ZDHHC14: variants seen among roughly 807,000 people sequenced by gnomAD.
ZDHHC14 encodes zDHHC palmitoyltransferase 14, also known as palmitoyltransferase ZDHHC14.
A neutral mutation model predicts 47.7 loss-of-function variants in ZDHHC14; 16 were observed. The ratio of observed to expected loss-of-function variants is 0.34; its 90% CI spans 0.23 to 0.51. The LOEUF (loss-of-function observed/expected upper bound fraction) is 0.51. ZDHHC14 is among the 20% of genes least tolerant of loss of function. ZDHHC14 has a pLI of 0.97. For synonymous variants in ZDHHC14, 293 were observed against 278.9 expected (o/e 1.05, Z -0.50); for missense variants, 515 against 662.5 (o/e 0.78, Z 2.44).
chr6:157,443,929 T>C (rs1778608856), intron 1 of ZDHHC14, among the ~76,000 whole-genome samples: 1 of 152,228 alleles, frequency 6.6e-6, no homozygotes, highest in Admixed American at 6.5e-5. Flanking sequence ...GAACAGAGCC[T>C]AGTGTACCGT....
chr6:157,461,049 G>A (rs1779070168), intron 1 of ZDHHC14, among the ~76,000 whole-genome samples: 1 of 152,254 alleles, frequency 6.6e-6, no homozygotes, highest in Non-Finnish European at 1.5e-5. Flanking sequence ...AGCAAAGTAA[G>A]GCCTGGTTAA....
chr6:157,636,936 C>G (rs1050383210), intron 5 of ZDHHC14, among the ~76,000 whole-genome samples: 1 of 152,188 alleles, frequency 6.6e-6, no homozygotes, highest in Admixed American at 6.5e-5. Flanking sequence ...GTTCTGTGTT[C>G]CGACAGGGTG....
intron 1 of ZDHHC14, among the ~76,000 whole-genome samples, chr6:157,501,349 A>AT (rs1780189275): frequency 6.6e-6 from 1 of 152,256 alleles, no homozygotes; most frequent in Non-Finnish European, 1.5e-5. Context: ...TGTAAAAAAA[A>AT]CAATGTACAG....
In ZDHHC14 at chr6:157,381,588, C is replaced by T. The variant is rs1411916860; in HGVS notation, c.-434C>T. 3 of 396,078 alleles carry T rather than the reference C, an allele frequency of 7.6e-6. No individual in the cohort carries two copies. The Admixed American group carries it at 8.3e-5, about 11-fold the overall frequency. The allele number at this position is 396,078 out of a possible 1,614,324, so 24.5% of individuals were successfully genotyped here. A position where few individuals can be genotyped will look rare whatever the true frequency, so the allele number is the denominator to read the frequency against. ...CTCCCGAGGAAGCCGGCGCCGGGGC[C>T]GCCGCCTCGTGTCCCCTCGGGGCGC... On this transcript the variant is annotated 5_prime_UTR_variant, in exon 1 of 9. Transcript: ENST00000359775.
intron 1 of ZDHHC14, among the ~76,000 whole-genome samples, chr6:157,490,475 A>C (rs1055922686): frequency 6.6e-6 from 1 of 152,238 alleles, no homozygotes; most frequent in Non-Finnish European, 1.5e-5. Context: ...TTAGGGAGGC[A>C]AGGTATATCT....
chr6:157,559,352 C>A (rs566147726), intron 2 of ZDHHC14, among the ~76,000 whole-genome samples: 1 of 152,336 alleles, frequency 6.6e-6, no homozygotes, highest in South Asian at 2.1e-4. Flanking sequence ...TCCTGGCTGA[C>A]GCGCTCTTCT....
At chr6:157,640,607 A>G (rs917590046) in intron 5 of ZDHHC14, among the ~76,000 whole-genome samples, 27 of 152,190 alleles carry the variant, frequency 1.8e-4, no homozygotes, top group African/African-American at 5.8e-4. Context: ...TGACTTACTC[A>G]GGGGTGTCCA....
intron 1 of ZDHHC14, among the ~76,000 whole-genome samples, chr6:157,497,812 A>G (rs1780104206): frequency 6.6e-6 from 1 of 152,220 alleles, no homozygotes. Context: ...TACTAAAGAT[A>G]GTGAGTCAGA....
At chr6:157,441,523 A>C (rs1413734245) in intron 1 of ZDHHC14, among the ~76,000 whole-genome samples, 2 of 152,212 alleles carry the variant, frequency 1.3e-5, no homozygotes, top group Admixed American at 6.5e-5. Context: ...CTTCTTGAAC[A>C]AAAAAGAAAC....
At chr6:157,436,278 G>A (rs537253755) in intron 1 of ZDHHC14, among the ~76,000 whole-genome samples, 5 of 152,116 alleles carry the variant, frequency 3.3e-5, no homozygotes, top group Non-Finnish European at 7.4e-5. Flanking sequence ...ATGGAGATAC[G>A]AGGTTGTTTG....
At chr6:157,392,645 A>ATGTGTGTGTGTG (rs372653506) in intron 1 of ZDHHC14, among the ~76,000 whole-genome samples, 15 of 147,240 alleles carry the variant, frequency 1.0e-4, no homozygotes, top group South Asian at 6.6e-4. Context: ...TAAGAGAAAG[A>ATGTGTGTGTGTG]TGTGTGTGTG....
At chr6:157,448,213 A>G (rs1437679545) in intron 1 of ZDHHC14, among the ~76,000 whole-genome samples, 2 of 152,044 alleles carry the variant, frequency 1.3e-5, no homozygotes, top group East Asian at 3.9e-4. Context: ...TTGTAACTGT[A>G]GTGCTTAAGG....
Position 157,536,849 on chromosome 6 carries a change from C to G in ZDHHC14, c.246-5736C>G, listed in dbSNP as rs554160482. On this transcript the variant is annotated intron_variant, in intron 1 of 8. Transcript: ENST00000359775. ...TTTTTTTTTTTTTGAGACAGAGTCT[C>G]GCTCTGTCGCCCAGGCTGGAGTGCA... Among the ~76,000 whole-genome samples, 36 of 30,124 alleles carry G rather than the reference C, an allele frequency of 1.2e-3. 6 individuals are homozygous for G. The highest frequency in any genetic ancestry group is 0.01 in the African/African-American group (36 of 3,500). The allele number at this position is 30,124 out of a possible 152,430, so 19.8% of individuals were successfully genotyped here.
chr6:157,609,767 A>G (rs1784682313), intron 3 of ZDHHC14, among the ~76,000 whole-genome samples: 1 of 152,156 alleles, frequency 6.6e-6, no homozygotes, highest in Non-Finnish European at 1.5e-5. Context: ...GAGCCGGTGG[A>G]CAGCAATGGA....
chr6:157,661,342 C>T (rs1778335347), intron 8 of ZDHHC14, among the ~76,000 whole-genome samples: 1 of 152,158 alleles, frequency 6.6e-6, no homozygotes, highest in Non-Finnish European at 1.5e-5. Context: ...ACCTGTAAGA[C>T]TTACTCATGT....
intron 1 of ZDHHC14, among the ~76,000 whole-genome samples, chr6:157,424,527 A>C (rs1168842143): frequency 1.3e-5 from 2 of 152,154 alleles, no homozygotes; most frequent in African/African-American, 4.8e-5. Flanking sequence ...CTGTTCTCCA[A>C]AGCTCTAAGC....
At chr6:157,425,405 TAGTG>T in intron 1 of ZDHHC14, among the ~76,000 whole-genome samples, 1 of 152,350 alleles carries the variant, frequency 6.6e-6, no homozygotes. Context: ...CATATGCAAA[TAGTG>T]AGAGCTGTAC....
chr6:157,593,816 C>A (rs1158983629), intron 3 of ZDHHC14, among the ~76,000 whole-genome samples: 1 of 152,226 alleles, frequency 6.6e-6, no homozygotes, highest in Non-Finnish European at 1.5e-5. Context: ...GTTGTCACTG[C>A]AGACTGAGAG....
chr6:157,559,618 C>T (rs957517725), intron 2 of ZDHHC14, among the ~76,000 whole-genome samples: 2 of 152,224 alleles, frequency 1.3e-5, no homozygotes, highest in African/African-American at 4.8e-5. Flanking sequence ...GGCACTTCTT[C>T]TCATTCTCAG....
Sources: gnomAD v4.1 joint callset for allele counts (sites outside exome capture counted in the v4.1 genomes callset) on GRCh38, gnomAD v4.1.1 for gene constraint, MANE v1.5 for transcripts, NCBI Gene and HGNC (gene_info 2026-07-23, HGNC 2026-07-21) for gene names.